Variants in RASAL2 observed in about 807,000 individuals in gnomAD.
The protein encoded by RASAL2 is RAS protein activator like 2.
A neutral mutation model predicts 128.9 loss-of-function variants in RASAL2; 58 were observed. The observed-to-expected ratio is 0.45, with a 90% CI of 0.36 to 0.56. The LOEUF (loss-of-function observed/expected upper bound fraction) is 0.56, where lower values mean the gene tolerates loss of function less well. Ranked by LOEUF, RASAL2 falls within the 20% of genes least tolerant of loss-of-function variation. RASAL2 has a pLI of 0.00. For missense variants in RASAL2, 1,360 were observed against 1,601.6 expected, an observed-to-expected ratio of 0.85 and a Z score of 2.57; for synonymous variants, 561 against 580.8, an observed-to-expected ratio of 0.97 and a Z score of 0.49.
chr1:178,297,607 CAAAAAA>C (rs34825546), intron 2 of RASAL2, among the ~76,000 whole-genome samples: 1 of 57,194 alleles, frequency 1.7e-5, no homozygotes, highest in Admixed American at 1.9e-4. Context: ...GACTCCATCT[CAAAAAA>C]AAAAAAAAAA....
chr1:178,414,527 T>TG (rs1674625506), intron 4 of RASAL2, among the ~76,000 whole-genome samples: 1 of 152,136 alleles, frequency 6.6e-6, no homozygotes, highest in South Asian at 2.1e-4. Context: ...TAGGGCATGT[T>TG]GGTGGGAGTG....
chr1:178,317,629 G>A (rs1318690406), intron 3 of RASAL2, among the ~76,000 whole-genome samples: 2 of 148,720 alleles, frequency 1.3e-5, no homozygotes, highest in African/African-American at 2.5e-5. Context: ...CTGTGGGATC[G>A]GTGGTGATAT....
intron 5 of RASAL2, among the ~76,000 whole-genome samples, chr1:178,430,439 A>G (rs576026604): frequency 1.4e-4 from 22 of 152,056 alleles, no homozygotes; most frequent in Admixed American, 5.2e-4. Flanking sequence ...CTACACATTT[A>G]CTCCATCTTT....
At chr1:178,299,849 T>C (rs1011018003) in intron 2 of RASAL2, 143 bp from the exon 3 acceptor site, 2 of 769,416 alleles carry the variant, frequency 2.6e-6, no homozygotes, top group African/African-American at 3.5e-5. Context: ...TACCTTACCA[T>C]TGTATATACT....
At chr1:178,418,168 A>G (rs770502357) in intron 4 of RASAL2, among the ~76,000 whole-genome samples, 2 of 152,164 alleles carry the variant, frequency 1.3e-5, no homozygotes, top group South Asian at 2.1e-4. Flanking sequence ...AAAATTTCAT[A>G]TAACTTTTGA....
chr1:178,235,803 C>G (rs548921696), intron 1 of RASAL2, among the ~76,000 whole-genome samples: 77 of 152,116 alleles, frequency 5.1e-4, no homozygotes, highest in African/African-American at 1.8e-3. Context: ...CAGTTGTGAG[C>G]CTTTCTTCAT....
In RASAL2 at chr1:178,390,435, A is replaced by T. The variant is rs1281520564; in HGVS notation, c.564+229A>T. On this transcript the variant is annotated intron_variant, in intron 4 of 17. Transcript: ENST00000367649. Reference sequence around the variant, plus strand: ...CACTCTGTCATCCAGGCTGGAGTGCAGTGGCGCGATAACACTCACTGCAAC... The same window carrying T: ...CACTCTGTCATCCAGGCTGGAGTGCTGTGGCGCGATAACACTCACTGCAAC... Among the ~76,000 whole-genome samples the T allele has an allele frequency of 2.6e-5, 4 of 152,236 alleles. No individual in the cohort carries two copies. In the East Asian group the frequency reaches 7.7e-4, roughly 29 times the overall value.
At chr1:178,380,331 GA>G (rs1029166636) in intron 3 of RASAL2, among the ~76,000 whole-genome samples, 3 of 151,866 alleles carry the variant, frequency 2.0e-5, no homozygotes, top group Non-Finnish European at 4.4e-5. Flanking sequence ...AAAAGAAAAA[GA>G]AAAAAATTAG....
chr1:178,216,258 CTGTT>C (rs1376511107), intron 1 of RASAL2, among the ~76,000 whole-genome samples: 1 of 152,100 alleles, frequency 6.6e-6, no homozygotes. Context: ...TGAAAATCCA[CTGTT>C]TGTGAGATTT....
intron 2 of RASAL2, among the ~76,000 whole-genome samples, chr1:178,294,913 A>G (rs1667424783): frequency 6.6e-6 from 1 of 152,208 alleles, no homozygotes; most frequent in African/African-American, 2.4e-5. Context: ...TAAGTTTTCC[A>G]GAGAGAAACT....
intron 3 of RASAL2, among the ~76,000 whole-genome samples, chr1:178,320,675 G>A (rs1668724380): frequency 6.6e-6 from 1 of 152,134 alleles, no homozygotes; most frequent in Non-Finnish European, 1.5e-5. Flanking sequence ...CGCACCCACT[G>A]ACCTGCGCCC....
At chr1:178,433,657 A>T (rs971722542) in intron 5 of RASAL2, among the ~76,000 whole-genome samples, 17 of 152,150 alleles carry the variant, frequency 1.1e-4, no homozygotes, top group African/African-American at 3.9e-4. Context: ...TCACACCTGT[A>T]ATCCTAGCAC....
chr1:178,214,771 G>A (rs572669029), intron 1 of RASAL2, among the ~76,000 whole-genome samples: 1 of 151,954 alleles, frequency 6.6e-6, no homozygotes, highest in Non-Finnish European at 1.5e-5. Flanking sequence ...TGTTAGCCAC[G>A]ATGGTCTCGA....
chr1:178,200,039 T>G (rs73051448), intron 1 of RASAL2, among the ~76,000 whole-genome samples: 7,835 of 152,294 alleles, frequency 0.051, 303 homozygotes, highest in African/African-American at 0.11. Context: ...GCTTCCTTGC[T>G]CCTCAGCTTG....
chr1:178,450,083 A>G (rs1293748820), intron 9 of RASAL2, among the ~76,000 whole-genome samples: 1 of 152,168 alleles, frequency 6.6e-6, no homozygotes, highest in Non-Finnish European at 1.5e-5. Flanking sequence ...CATATTGACT[A>G]CATATCTTGG....
At chr1:178,389,041 G>A (rs765199774) in intron 3 of RASAL2, among the ~76,000 whole-genome samples, 2 of 152,184 alleles carry the variant, frequency 1.3e-5, no homozygotes, top group Non-Finnish European at 2.9e-5. Context: ...AGTGGAAGTA[G>A]CACGGATCCC....
intron 1 of RASAL2, among the ~76,000 whole-genome samples, chr1:178,246,778 G>T (rs1664785197): frequency 6.6e-6 from 1 of 152,026 alleles, no homozygotes; most frequent in Non-Finnish European, 1.5e-5. Context: ...TAGCATGAAG[G>T]GGTTTTGAAT....
chr1:178,119,447 G>T (rs1233150981), intron 1 of RASAL2, among the ~76,000 whole-genome samples: 1 of 152,176 alleles, frequency 6.6e-6, no homozygotes, highest in African/African-American at 2.4e-5. Flanking sequence ...AAGTTCAGGT[G>T]ACATTTTGCA....
At position 178,477,905 on chromosome 1, in the gene RASAL2, G is replaced by T. The variant is rs887228964; in HGVS notation, c.*4666G>T. ...CCTAGATATCATTATTGATACCATG[G>T]GGAATCATAGAAATAAAGTTGAATA... On this transcript the variant is annotated 3_prime_UTR_variant, in exon 18 of 18. Transcript: ENST00000367649. The T allele has an allele frequency of 1.3e-5, 2 of 152,138 alleles. No homozygotes were observed. Among genetic ancestry groups the T allele is most frequent in the African/African-American group, 4.8e-5 (2 of 41,422 alleles). The allele number at this position is 152,138 out of a possible 1,614,324, so 9.4% of individuals were successfully genotyped here. A position where few individuals can be genotyped will look rare whatever the true frequency, so the allele number is the denominator to read the frequency against.
Sources: gnomAD v4.1 joint callset for allele counts (sites outside exome capture counted in the v4.1 genomes callset) on GRCh38, gnomAD v4.1.1 for gene constraint, MANE v1.5 for transcripts, NCBI Gene and HGNC (gene_info 2026-07-23, HGNC 2026-07-21) for gene names.